CDH13: variants seen among roughly 807,000 people sequenced by gnomAD.
The protein encoded by CDH13 is cadherin-13.
A neutral mutation model predicts 63.8 loss-of-function variants in CDH13; 24 were observed. The ratio of observed to expected loss-of-function variants is 0.38; its 90% CI spans 0.27 to 0.53. The LOEUF is 0.53. Ranked by LOEUF, CDH13 falls within the 20% of genes least tolerant of loss-of-function variation. The pLI is 0.85. For synonymous variants in CDH13, 503 were observed against 355.3 expected (o/e 1.42, Z -4.67); for missense variants, 1,049 against 903.1 (o/e 1.16, Z -2.07).
chr16:82,750,848 T>G (rs1420704100), intron 1 of CDH13, among the ~76,000 whole-genome samples: 1 of 152,228 alleles, frequency 6.6e-6, no homozygotes, highest in East Asian at 1.9e-4. Flanking sequence ...TTGAGTGCAT[T>G]CTTCCGGCAA....
At chr16:82,668,367 G>A (rs1912853052) in intron 1 of CDH13, among the ~76,000 whole-genome samples, 1 of 152,138 alleles carries the variant, frequency 6.6e-6, no homozygotes, top group Admixed American at 6.5e-5. Context: ...TATTGCCTAA[G>A]CTGTTATTGG....
chr16:83,177,642 C>G (rs577615092), intron 4 of CDH13, among the ~76,000 whole-genome samples: 1 of 152,292 alleles, frequency 6.6e-6, no homozygotes, highest in South Asian at 2.1e-4. Context: ...TTGCCTCCAA[C>G]ATTGTAGCAA....
intron 2 of CDH13, among the ~76,000 whole-genome samples, chr16:82,916,722 A>G (rs953028905): frequency 6.6e-6 from 1 of 152,232 alleles, no homozygotes; most frequent in Non-Finnish European, 1.5e-5. Flanking sequence ...TATTTTAAAC[A>G]ATATTTTTAT....
chr16:82,759,293 A>G (rs560421564), intron 1 of CDH13, among the ~76,000 whole-genome samples: 1 of 152,182 alleles, frequency 6.6e-6, no homozygotes, highest in South Asian at 2.1e-4. Flanking sequence ...GTACTTCCCA[A>G]ATATATTCTC....
At chr16:82,928,160 G>A (rs1011576724) in intron 2 of CDH13, among the ~76,000 whole-genome samples, 9 of 34,000 alleles carry the variant, frequency 2.6e-4, no homozygotes, top group Non-Finnish European at 6.1e-4. Flanking sequence ...GTAGGCAGTC[G>A]TGTATGTGTG....
intron 10 of CDH13, among the ~76,000 whole-genome samples, chr16:83,732,641 C>T (rs1911150199): frequency 6.6e-6 from 1 of 152,212 alleles, no homozygotes; most frequent in Non-Finnish European, 1.5e-5. Flanking sequence ...TTCCTGGCAA[C>T]TGATGTTCCC....
At chr16:83,228,406 A>C (rs994151010) in intron 5 of CDH13, among the ~76,000 whole-genome samples, 2 of 152,172 alleles carry the variant, frequency 1.3e-5, no homozygotes, top group African/African-American at 4.8e-5. Flanking sequence ...TTGGATAGTC[A>C]AGAAGTCTGT....
chr16:82,721,684 C>T (rs2032779503), intron 1 of CDH13, among the ~76,000 whole-genome samples: 2 of 151,962 alleles, frequency 1.3e-5, no homozygotes, highest in Admixed American at 1.3e-4. Flanking sequence ...AGAACTTGTG[C>T]CAGGTCATTC....
At chr16:82,748,524 GGTGGTGGTT>G (rs1196105204) in intron 1 of CDH13, among the ~76,000 whole-genome samples, 3 of 152,154 alleles carry the variant, frequency 2.0e-5, no homozygotes, top group Non-Finnish European at 4.4e-5. Flanking sequence ...TTCTGTTGGT[GGTGGTGGTT>G]GTGGTGGTTT....
chr16:82,998,835 A>G (rs1036728541), intron 2 of CDH13, among the ~76,000 whole-genome samples: 6 of 149,974 alleles, frequency 4.0e-5, no homozygotes, highest in African/African-American at 1.2e-4. Context: ...GACTTAAGAA[A>G]CGCTGCCATG....
chr16:83,770,637 T>C (rs577033327), intron 11 of CDH13, among the ~76,000 whole-genome samples: 3 of 152,336 alleles, frequency 2.0e-5, no homozygotes, highest in South Asian at 4.1e-4. Flanking sequence ...ATTGATGATA[T>C]GCTAAACAAG....
At chr16:83,291,597 A>C (rs17196027) in intron 5 of CDH13, among the ~76,000 whole-genome samples, 44,485 of 151,932 alleles carry the variant, frequency 0.29, 6,684 homozygotes, top group Admixed American at 0.37. Flanking sequence ...ATTTTAGTAG[A>C]TTTATTTCCA....
intron 3 of CDH13, among the ~76,000 whole-genome samples, chr16:83,122,389 G>A (rs766781086): frequency 6.6e-6 from 1 of 152,146 alleles, no homozygotes; most frequent in South Asian, 2.1e-4. Flanking sequence ...TATTTAAAAT[G>A]ATACAAAGTT....
intron 10 of CDH13, among the ~76,000 whole-genome samples, chr16:83,724,367 G>GGATGAATGCATGGGTGGGT (rs1910111538): frequency 1.1e-5 from 1 of 90,744 alleles, no homozygotes; most frequent in African/African-American, 4.7e-5. Flanking sequence ...CATGGGTGGG[G>GGATGAATGCATGGGTGGGT]GATGAATGCA....
chr16:83,647,115 C>A (rs1197980170), intron 8 of CDH13, among the ~76,000 whole-genome samples: 5 of 151,962 alleles, frequency 3.3e-5, no homozygotes, highest in African/African-American at 4.8e-5. Context: ...TCGAGACCAT[C>A]CTGTATAACA....
At chr16:83,160,709 C>G (rs747997196) in intron 4 of CDH13, among the ~76,000 whole-genome samples, 26 of 152,122 alleles carry the variant, frequency 1.7e-4, no homozygotes, top group Non-Finnish European at 3.1e-4. Flanking sequence ...TTATAAATAT[C>G]AATTTTCAAA....
intron 1 of CDH13, among the ~76,000 whole-genome samples, chr16:82,789,331 C>A (rs1263865509): frequency 2.0e-5 from 3 of 152,152 alleles, no homozygotes; most frequent in Admixed American, 2.0e-4. Context: ...ATTGTGAACT[C>A]ATGAAGGGAG....
chr16:83,481,414 C>A (rs557118090), intron 6 of CDH13, among the ~76,000 whole-genome samples: 2 of 152,166 alleles, frequency 1.3e-5, no homozygotes, highest in African/African-American at 4.8e-5. Flanking sequence ...CTGAAAACCC[C>A]CCGTCACTCT....
chr16:83,269,964 C>G (rs906401566), intron 5 of CDH13, among the ~76,000 whole-genome samples: 1 of 152,126 alleles, frequency 6.6e-6, no homozygotes, highest in Non-Finnish European at 1.5e-5. Flanking sequence ...TGAAATGGTT[C>G]TATTATTTTG....
Sources: allele counts gnomAD v4.1 joint callset (sites outside exome capture counted in the v4.1 genomes callset), GRCh38; gene constraint gnomAD v4.1.1; transcripts MANE v1.5; gene names NCBI Gene and HGNC (gene_info 2026-07-23, HGNC 2026-07-21).